PHACTR3: variants seen among roughly 807,000 people sequenced by gnomAD.
PHACTR3 encodes the protein protein phosphatase 1, regulatory subunit 123.
PHACTR3 carries 16 observed loss-of-function variants against 66.8 expected under a neutral mutation model. The ratio of observed to expected loss-of-function variants is 0.24; its 90% CI spans 0.16 to 0.36. The LOEUF (loss-of-function observed/expected upper bound fraction) is 0.36. PHACTR3 is among the 10% of genes least tolerant of loss of function. The pLI is 1.00. For missense variants in PHACTR3, 647 were observed against 719.9 expected, an observed-to-expected ratio of 0.90 and a Z score of 1.16; for synonymous variants, 323 against 292.1, an observed-to-expected ratio of 1.11 and a Z score of -1.08.
chr20:59,764,745 A>G (rs2040122627), intron 4 of PHACTR3, among the ~76,000 whole-genome samples: 2 of 152,346 alleles, frequency 1.3e-5, no homozygotes, highest in Non-Finnish European at 2.9e-5. Flanking sequence ...GCGTTCAGGA[A>G]CAAGAAGTCC....
chr20:59,718,548 C>T (rs2038178646), intron 1 of PHACTR3, among the ~76,000 whole-genome samples: 2 of 149,934 alleles, frequency 1.3e-5, no homozygotes, highest in East Asian at 3.9e-4. Flanking sequence ...CGTGAAAGGC[C>T]CCTTTTGATG....
chr20:59,610,997 A>C (rs1262194539), intron 1 of PHACTR3, among the ~76,000 whole-genome samples: 2 of 152,250 alleles, frequency 1.3e-5, no homozygotes, highest in East Asian at 1.9e-4. Flanking sequence ...GAGCACCTGC[A>C]ATGCAGCACA....
intron 1 of PHACTR3, among the ~76,000 whole-genome samples, chr20:59,724,136 G>A (rs554636797): frequency 5.5e-4 from 83 of 152,288 alleles, no homozygotes; most frequent in African/African-American, 1.9e-3. Context: ...TGGCCAACGT[G>A]CACCCTCAGG....
chr20:59,774,179 T>C, intron 6 of PHACTR3, 64 bp from the exon 7 acceptor site: 1 of 1,516,670 alleles, frequency 6.6e-7, no homozygotes, highest in Middle Eastern at 1.8e-4. Context: ...AGCTCCAAAG[T>C]CAATCGTGCT....
At chr20:59,836,279 G>T (rs762532947) in intron 8 of PHACTR3, 10 of 522,588 alleles carry the variant, frequency 1.9e-5, no homozygotes, top group Non-Finnish European at 3.3e-6. Context: ...CTGGAGCAAG[G>T]ACTAGTCTAG....
chr20:59,649,168 G>A (rs2146445497), intron 1 of PHACTR3, among the ~76,000 whole-genome samples: 1 of 152,316 alleles, frequency 6.6e-6, no homozygotes, highest in South Asian at 2.1e-4. Flanking sequence ...TAATGAGAGT[G>A]AGGTTTTATG....
chr20:59,732,750 C>T (rs1349891867), intron 1 of PHACTR3, among the ~76,000 whole-genome samples: 1 of 152,120 alleles, frequency 6.6e-6, no homozygotes, highest in African/African-American at 2.4e-5. Context: ...ATTCTGCTTC[C>T]ATTTTTGTAT....
At chr20:59,833,236 C>G (rs1178809541) in intron 8 of PHACTR3, among the ~76,000 whole-genome samples, 1 of 152,242 alleles carries the variant, frequency 6.6e-6, no homozygotes, top group Non-Finnish European at 1.5e-5. Flanking sequence ...CAGTGAGAAG[C>G]TTGGCAGCTA....
chr20:59,742,112 C>G (rs2039183434), intron 1 of PHACTR3, among the ~76,000 whole-genome samples: 1 of 152,258 alleles, frequency 6.6e-6, no homozygotes, highest in African/African-American at 2.4e-5. Context: ...TCTCCACACA[C>G]CAGTGTGTGC....
intron 2 of PHACTR3, among the ~76,000 whole-genome samples, chr20:59,746,214 G>A (rs1011139720): frequency 3.9e-5 from 6 of 152,180 alleles, no homozygotes; most frequent in African/African-American, 1.4e-4. Context: ...TTGGCTTTAG[G>A]GTAAATATCC....
intron 1 of PHACTR3, among the ~76,000 whole-genome samples, chr20:59,680,778 T>TCA (rs1325793415): frequency 6.6e-6 from 1 of 152,134 alleles, no homozygotes; most frequent in Non-Finnish European, 1.5e-5. Context: ...ACACCCCTGA[T>TCA]AGTAACCCAA....
chr20:59,775,006 C>G (rs2040483886), intron 7 of PHACTR3, among the ~76,000 whole-genome samples: 1 of 152,136 alleles, frequency 6.6e-6, no homozygotes, highest in Admixed American at 6.6e-5. Context: ...ATGGGACAGG[C>G]AGCATACGCT....
chr20:59,633,537 G>A (rs2034744805), intron 1 of PHACTR3, among the ~76,000 whole-genome samples: 1 of 152,162 alleles, frequency 6.6e-6, no homozygotes, highest in Non-Finnish European at 1.5e-5. Flanking sequence ...TAGAGGACAG[G>A]TCAATAGGTG....
At chr20:59,716,039 TG>T (rs1391892110) in intron 1 of PHACTR3, among the ~76,000 whole-genome samples, 2 of 152,172 alleles carry the variant, frequency 1.3e-5, no homozygotes, top group Non-Finnish European at 2.9e-5. Context: ...TCCATGCACC[TG>T]GCTGTGAGCT....
Position 59,773,436 on chromosome 20 carries a change from G to T in PHACTR3, c.909G>T (p.Thr303=). 6.2e-7 allele frequency: 1 copy of T among 1,611,860 alleles called. No individual in the cohort carries two copies. Residue 303 remains threonine (T), a synonymous_variant, in exon 6 of 13, where the codon ACG becomes ACT. Coordinates refer to ENST00000371015, the MANE Select transcript of PHACTR3 (RefSeq NM_080672.5). ...VIEELHRALA[T]KHRQDSFQGR... ...AGGAGCTGCACAGGGCGCTGGCCACGAAGCACCGCCAGGACAGGTGAGGCC... is the reference window on the plus strand; with the variant it reads ...AGGAGCTGCACAGGGCGCTGGCCACTAAGCACCGCCAGGACAGGTGAGGCC...
chr20:59,592,592 CA>C (rs2033216330), intron 1 of PHACTR3, among the ~76,000 whole-genome samples: 1 of 152,206 alleles, frequency 6.6e-6, no homozygotes, highest in African/African-American at 2.4e-5. Context: ...ACCTACCCCT[CA>C]TTATAGTATC....
At chr20:59,589,606 A>T (rs1008575628) in intron 1 of PHACTR3, among the ~76,000 whole-genome samples, 4 of 152,178 alleles carry the variant, frequency 2.6e-5, no homozygotes, top group African/African-American at 9.7e-5. Flanking sequence ...TGCTGGTGGC[A>T]TGAATCTGTG....
At chr20:59,699,746 G>T (rs1029058326) in intron 1 of PHACTR3, among the ~76,000 whole-genome samples, 1 of 152,132 alleles carries the variant, frequency 6.6e-6, no homozygotes, top group Non-Finnish European at 1.5e-5. Context: ...GGTGGATCAT[G>T]AGGTCAAGAG....
At position 59,789,020 on chromosome 20, in the gene PHACTR3, G is replaced by A. The variant is rs544472241; in HGVS notation, c.1174+14530G>A. On this transcript the variant is annotated intron_variant, in intron 7 of 12. Transcript: ENST00000371015. Reference sequence around the variant, plus strand: ...CTTCTGCCTCTGGCCATGATGAAGCGATGGTAGCTGCCCTCCCACTAAAAT... The same window carrying A: ...CTTCTGCCTCTGGCCATGATGAAGCAATGGTAGCTGCCCTCCCACTAAAAT... Among the ~76,000 whole-genome samples the A allele has an allele frequency of 3.3e-5, 5 of 152,340 alleles. No individual in the cohort carries two copies. The South Asian group carries it at 8.3e-4, about 25-fold the overall frequency.
Sources: allele counts gnomAD v4.1 joint callset (sites outside exome capture counted in the v4.1 genomes callset), GRCh38; gene constraint gnomAD v4.1.1; transcripts MANE v1.5; gene names NCBI Gene and HGNC (gene_info 2026-07-23, HGNC 2026-07-21).